Variants in MYLK3 observed in about 807,000 individuals in gnomAD.
MYLK3 encodes MLC kinase.
In MYLK3, 55 loss-of-function variants were observed where a neutral mutation model predicts 76.3. The ratio of observed to expected loss-of-function variants is 0.72; its 90% CI spans 0.58 to 0.90. MYLK3 has a LOEUF of 0.90. MYLK3 is among the 40% of genes least tolerant of loss of function. The pLI, the probability that MYLK3 is intolerant of heterozygous loss-of-function variation, is 0.00. For missense variants in MYLK3, 973 were observed against 1,053.6 expected, an observed-to-expected ratio of 0.92 and a Z score of 1.06; for synonymous variants, 416 against 425.4, an observed-to-expected ratio of 0.98 and a Z score of 0.27.
intron 10 of MYLK3, among the ~76,000 whole-genome samples, chr16:46,712,343 G>A (rs1315292678): frequency 1.3e-5 from 2 of 151,778 alleles, no homozygotes; most frequent in African/African-American, 2.4e-5. Flanking sequence ...CTTCCTCACC[G>A]AGAAACAGGC....
At chr16:46,727,458 G>C in intron 7 of MYLK3, 81 bp from the exon 8 acceptor site, 1 of 1,482,158 alleles carries the variant, frequency 6.7e-7, no homozygotes. Flanking sequence ...AGGGCCAAAA[G>C]AGGCCAGCCC....
At chr16:46,741,482 G>C (rs989958482) in intron 1 of MYLK3, among the ~76,000 whole-genome samples, 1 of 152,236 alleles carries the variant, frequency 6.6e-6, no homozygotes, top group East Asian at 1.9e-4. Flanking sequence ...CCTCTTGCAA[G>C]AGCATGGTGC....
rs555356144 is a variant in MYLK3, at chr16:46,759,899, C to T, written c.-114+3141G>A. Among the ~76,000 whole-genome samples the T allele has an allele frequency of 1.9e-3, 291 of 152,308 alleles. 3 individuals are homozygous for T. Among genetic ancestry groups the T allele is most frequent in the Non-Finnish European group, 3.3e-3 (226 of 68,024 alleles). On this transcript the variant is annotated intron_variant, in intron 1 of 11. Transcript: ENST00000536476. ...CCACCCTCCTTGGCATCCCAAAGTG[C>T]GGGATTACAGGCGTTAGCCACCACG...
At position 46,712,664 on chromosome 16, in the gene MYLK3, C is replaced by T. The variant is rs1341314005; in HGVS notation, c.2098G>A (p.Val700Ile). 4.5e-6 allele frequency: 7 copies of T among 1,560,318 alleles called. No individual in the cohort carries two copies. The highest frequency in any genetic ancestry group is 6.1e-6 in the Non-Finnish European group (7 of 1,152,634). The change falls in exon 10 of 13, where the codon GTC (valine) becomes ATC (isoleucine). Residue 700 changes from valine (V) to isoleucine (I), a missense_variant. Physicochemically the swap from Val to Ile is conservative, Grantham distance 29 (BLOSUM62 3). Around this residue, in one of 2 missense-constraint regions of MYLK3, gnomAD observed 332 missense variants for 416.6 expected, o/e 0.80. Coordinates refer to ENST00000394809, the MANE Select transcript of MYLK3 (RefSeq NM_182493.3). ...AGCACTCACAGCATGTAGGTGATGA[C>T]TCCCACACTCCACATGTCTGTGGGG... ...SFPTDMWSVG[V>I]ITYMLLSGLS...
chr16:46,742,182 CCAT>C (rs1966941826), intron 1 of MYLK3, among the ~76,000 whole-genome samples: 1 of 151,702 alleles, frequency 6.6e-6, no homozygotes, highest in South Asian at 2.1e-4. Flanking sequence ...GTAAATTATA[CCAT>C]CATAATTATT....
chr16:46,713,629 A>G (rs1966707515), intron 9 of MYLK3, among the ~76,000 whole-genome samples: 1 of 152,214 alleles, frequency 6.6e-6, no homozygotes, highest in African/African-American at 2.4e-5. Context: ...GCAATTCTGA[A>G]GTATACAATA....
At position 46,727,243 on chromosome 16, in the gene MYLK3, TC is replaced by T; in HGVS notation, c.1906del (p.Asp636ThrfsTer34). 6.2e-7 allele frequency: 1 copy of T among 1,613,672 alleles called. No individual in the cohort carries two copies. Among genetic ancestry groups the T allele is most frequent in the Non-Finnish European group, 8.5e-7 (1 of 1,179,674 alleles). On this transcript the variant is annotated frameshift_variant, in exon 8 of 13. Transcript: ENST00000394809. LOFTEE classifies it high-confidence loss of function. ...YLHQHYILHL[D>X]LKPENILCVN... ...GCCCAGGGCAGAACCCACCTTGAGGTCCAGGTGCAGGATGTAGTGCTGGTGC... is the reference window on the plus strand; with the variant it reads ...GCCCAGGGCAGAACCCACCTTGAGGTCAGGTGCAGGATGTAGTGCTGGTGC...
chr16:46,713,813 A>G (rs1966709273), intron 9 of MYLK3, among the ~76,000 whole-genome samples: 1 of 152,126 alleles, frequency 6.6e-6, no homozygotes, highest in Non-Finnish European at 1.5e-5. Flanking sequence ...TCCACACCTA[A>G]GTGAGATCAC....
chr16:46,732,781 G>A, intron 3 of MYLK3, 113 bp from the exon 4 acceptor site: 2 of 852,998 alleles, frequency 2.3e-6, no homozygotes, highest in Non-Finnish European at 3.5e-6. Flanking sequence ...CTGGGGCCCT[G>A]CTAGACAGGA....
chr16:46,761,921 A>G (rs2143019017), intron 1 of MYLK3, among the ~76,000 whole-genome samples: 1 of 152,218 alleles, frequency 6.6e-6, no homozygotes, highest in African/African-American at 2.4e-5. Context: ...GAAAAAAAAA[A>G]AAAAAGGAAG....
Position 46,748,201 on chromosome 16 carries a change from C to T in MYLK3, c.-8G>A, listed in dbSNP as rs901558510. On this transcript the variant is annotated 5_prime_UTR_variant, in exon 1 of 13. Transcript: ENST00000394809. The surrounding 1 kb of genome is among the most constrained non-coding windows in gnomAD (Gnocchi z 4.3). The stretch of plus-strand genomic sequence containing the variant: ...CTTGGAGGTTCCTGACATGCTGGTG[C>T]AGGCTTGACAAGGGCAAGAGCGGGG... The T allele has an allele frequency of 7.5e-6, 12 of 1,608,108 alleles. No homozygotes were observed. Among genetic ancestry groups the T allele is most frequent in the Non-Finnish European group, 9.3e-6 (11 of 1,176,536 alleles).
In MYLK3 at chr16:46,732,606, C is replaced by T. The variant is rs1436053423; in HGVS notation, c.1064G>A (p.Ser355Asn). ...PGEMLMTGRG[S>N]LGPTLTTEAP... is the part of the protein sequence containing the mutation. ...CTCTGTGGTGAGGGTGGGTCCAAGG[C>T]TGCCCCTGCCTGTCATCAGCATCTC... Residue 355 changes from serine (S) to asparagine (N), a missense_variant, in exon 4 of 13, where the codon AGC becomes AAC. By Grantham distance (46) the Ser-to-Asn change is conservative. Coordinates refer to ENST00000394809, the MANE Select transcript of MYLK3 (RefSeq NM_182493.3). 2 of 1,577,098 alleles carry T rather than the reference C, an allele frequency of 1.3e-6. No individual in the cohort carries two copies. The highest frequency in any genetic ancestry group is 2.2e-5 in the East Asian group (1 of 44,534).
Position 46,729,661 on chromosome 16 carries a change from C to A in MYLK3, c.1595G>T (p.Cys532Phe), listed in dbSNP as rs1966848583. 6.2e-7 allele frequency: 1 copy of A among 1,613,704 alleles called. No homozygotes were observed. Among genetic ancestry groups the A allele is most frequent in the Non-Finnish European group, 8.5e-7 (1 of 1,179,786 alleles). Residue 532 changes from cysteine (C) to phenylalanine (F), a missense_variant, in exon 6 of 13, where the codon TGC (cysteine) becomes TTC (phenylalanine). This residue lies in a region of MYLK3 where 332 missense variants were observed against 416.6 expected (regional missense o/e 0.80). Transcript: ENST00000394809. ...GGGRFGQVHR[C>F]TEKSTGLPLA... ...TGGGAGGCCTGTGGACTTCTCTGTG[C>A]ACCTGTGGACCTGGCCAAACCGACC...
intron 8 of MYLK3, among the ~76,000 whole-genome samples, chr16:46,724,498 C>T (rs182674471): frequency 2.0e-5 from 3 of 152,266 alleles, no homozygotes; most frequent in East Asian, 3.9e-4. Context: ...GGTCCAACTT[C>T]GTTCTTTCAC....
intron 9 of MYLK3, 118 bp from the exon 10 acceptor site, chr16:46,712,894 A>T (rs1417150408): frequency 1.0e-6 from 1 of 974,530 alleles, no homozygotes; most frequent in Non-Finnish European, 1.4e-6. Context: ...TATGGCCTGG[A>T]CTCCACACCC....
chr16:46,732,741 T>C, intron 3 of MYLK3, 73 bp from the exon 4 acceptor site: 1 of 1,160,634 alleles, frequency 8.6e-7, no homozygotes, highest in South Asian at 1.7e-5. Flanking sequence ...TGGGTTCCAA[T>C]GCCCACTGCT....
intron 9 of MYLK3, among the ~76,000 whole-genome samples, chr16:46,718,697 GGCTCACGCCTGTAA>G (rs1184987764): frequency 6.6e-6 from 1 of 152,234 alleles, no homozygotes; most frequent in Non-Finnish European, 1.5e-5. Context: ...CAGGCGTGGT[GGCTCACGCCTGTAA>G]TCCCAGCACT....
chr16:46,759,383 A>T (rs182508053), intron 1 of MYLK3, among the ~76,000 whole-genome samples: 184 of 152,344 alleles, frequency 1.2e-3, no homozygotes, highest in Non-Finnish European at 8.8e-5. Flanking sequence ...ACAAACACTT[A>T]TTAGGAAATA....
Position 46,744,222 on chromosome 16 carries a change from G to A in MYLK3, c.477+3495C>T, listed in dbSNP as rs1966981296. Among the ~76,000 whole-genome samples, 4 of 149,644 alleles carry A rather than the reference G, an allele frequency of 2.7e-5. No individual in the cohort carries two copies. The South Asian group carries it at 6.4e-4, about 24-fold the overall frequency. On this transcript the variant is annotated intron_variant, in intron 1 of 12. Transcript: ENST00000394809. ...TAATTTTTGTATTTTTAGTAGAGACGGGGGTTTCACCATATTGGCCAGACT... is the reference window on the plus strand; with the variant it reads ...TAATTTTTGTATTTTTAGTAGAGACAGGGGTTTCACCATATTGGCCAGACT...
Sources: allele counts gnomAD v4.1 joint callset (sites outside exome capture counted in the v4.1 genomes callset), GRCh38; gene constraint gnomAD v4.1.1; regional missense constraint gnomAD v4.1.1; non-coding constraint Gnocchi (gnomAD v3.1); transcripts MANE v1.5; gene names NCBI Gene and HGNC (gene_info 2026-07-23, HGNC 2026-07-21).